Variants in CCT2 observed in about 807,000 individuals in gnomAD.
CCT2 encodes the protein chaperonin containing TCP1 subunit 2, also known as T-complex protein 1 subunit beta.
Under a neutral mutation model 61.8 loss-of-function variants are expected in CCT2, and 18 were observed. The observed-to-expected ratio is 0.29, with a 90% confidence interval of 0.20 to 0.43. The LOEUF (loss-of-function observed/expected upper bound fraction) is 0.43. Ranked by LOEUF, CCT2 falls within the 20% of genes least tolerant of loss-of-function variation. CCT2 has a pLI of 1.00. For missense variants in CCT2, 556 were observed against 656.9 expected (o/e 0.85, Z 1.68); for synonymous variants, 248 against 215.9 (o/e 1.15, Z -1.30).
intron 9 of CCT2, 145 bp from the exon 10 acceptor site, chr12:69,593,365 C>G: frequency 1.6e-6 from 1 of 634,180 alleles, no homozygotes; most frequent in Non-Finnish European, 2.7e-6. Context: ...AGTTGATAAA[C>G]TCTAATTATA....
At chr12:69,594,275 G>A (rs1392148460) in intron 10 of CCT2, among the ~76,000 whole-genome samples, 1 of 152,076 alleles carries the variant, frequency 6.6e-6, no homozygotes, top group Non-Finnish European at 1.5e-5. Context: ...TTATTGCTTA[G>A]TAAGTAGTTG....
intron 12 of CCT2, 57 bp downstream of exon 12, chr12:69,597,823 C>A (rs959360676): frequency 1.3e-6 from 2 of 1,513,978 alleles, no homozygotes; most frequent in South Asian, 1.2e-5. Context: ...CAATATAAGT[C>A]ATAAGTGGTT....
intron 14 of CCT2, 127 bp from the exon 15 acceptor site, chr12:69,599,736 T>C (rs1882096261): frequency 4.4e-6 from 3 of 680,852 alleles, no homozygotes; most frequent in Non-Finnish European, 7.0e-6. Context: ...TAGGCTTATC[T>C]ACCTACTGAG....
At chr12:69,601,267 A>G (rs763342549) in intron 15 of CCT2, 28 bp from the exon 16 acceptor site, 124 of 1,566,402 alleles carry the variant, frequency 7.9e-5, no homozygotes, top group Non-Finnish European at 1.0e-4. Context: ...TTCATTTTTC[A>G]CTATTGACTT....
intron 15 of CCT2, 51 bp downstream of exon 15, chr12:69,600,055 G>A: frequency 6.7e-7 from 1 of 1,482,642 alleles, no homozygotes; most frequent in Non-Finnish European, 9.1e-7. Context: ...AACAAAATAG[G>A]GAGCTGTATT....
chr12:69,589,733 G>T (rs1483216506), intron 7 of CCT2, 46 bp downstream of exon 7: 1 of 1,431,118 alleles, frequency 7.0e-7, no homozygotes, highest in Non-Finnish European at 9.7e-7. Context: ...AGATGCTGAG[G>T]GCTGAATACT....
intron 1 of CCT2, chr12:69,585,753 C>G: frequency 7.0e-7 from 1 of 1,432,788 alleles, no homozygotes; most frequent in Non-Finnish European, 9.1e-7. Context: ...GTGCCTAGGT[C>G]TTTGCATAGT....
intron 6 of CCT2, among the ~76,000 whole-genome samples, chr12:69,588,783 G>A (rs1881745761): frequency 6.6e-6 from 1 of 152,254 alleles, no homozygotes; most frequent in Non-Finnish European, 1.5e-5. Flanking sequence ...GGGCTGCACA[G>A]CAGGTGAGCA....
intron 3 of CCT2, chr12:69,587,281 G>T: frequency 2.3e-6 from 1 of 429,560 alleles, no homozygotes; most frequent in Non-Finnish European, 4.1e-6. Context: ...TTGCAGTTAC[G>T]GTGTTGAAAC....
At chr12:69,593,758 T>C in intron 10 of CCT2, 145 bp downstream of exon 10, 1 of 536,804 alleles carries the variant, frequency 1.9e-6, no homozygotes, top group South Asian at 2.6e-5. Context: ...TTAATTTAGA[T>C]ACATAGATAC....
chr12:69,590,786 G>A (rs1205454396), intron 7 of CCT2, among the ~76,000 whole-genome samples: 1 of 147,360 alleles, frequency 6.8e-6, no homozygotes, highest in Non-Finnish European at 1.5e-5. Flanking sequence ...GTATGATCTC[G>A]CCTCACTGCA....
At chr12:69,589,976 G>A (rs1424148299) in intron 7 of CCT2, among the ~76,000 whole-genome samples, 1 of 152,180 alleles carries the variant, frequency 6.6e-6, no homozygotes, top group Non-Finnish European at 1.5e-5. Flanking sequence ...ATTCTCAAAT[G>A]GTACTTTTAC....
rs765322805 is a variant in CCT2, at chr12:69,587,571, C to G, written c.211C>G (p.Leu71Val). ...GGTAACCAATGATGGTGCCACTATTCTAAAAAACATTGGTGTTGACAATCC... is the reference window on the plus strand; with the variant it reads ...GGTAACCAATGATGGTGCCACTATTGTAAAAAACATTGGTGTTGACAATCC... ...LMVTNDGATI[L>V]KNIGVDNPAA... is the part of the protein sequence containing the mutation. Residue 71 changes from leucine (L) to valine (V), a missense_variant, in exon 4 of 16, where the codon CTA becomes GTA. Leu to Val is a conservative substitution (Grantham distance 32). Coordinates refer to ENST00000299300, the MANE Select transcript of CCT2 (RefSeq NM_006431.3). 3.1e-6 allele frequency: 5 copies of G among 1,613,664 alleles called. No homozygotes were observed. The Admixed American group carries it at 8.3e-5, about 27-fold the overall frequency.
At position 69,592,069 on chromosome 12, in the gene CCT2, G is replaced by A. The variant is rs964129998; in HGVS notation, c.660G>A (p.Leu220=). The stretch of plus-strand genomic sequence containing the variant: ...TTATATTTATTGTAGGCTTCCTGTT[G>A]GATAAAAAAATTGGAGTAAATCAAC... ...ADSYLDEGFL[L]DKKIGVNQPK... The change falls in exon 8 of 16, where the codon TTG becomes TTA. Residue 220 remains leucine (L), a synonymous_variant. Transcript: ENST00000299300. 2.5e-6 allele frequency: 4 copies of A among 1,574,462 alleles called. No homozygotes were observed. In the Admixed American group the frequency reaches 5.0e-5, roughly 20 times the overall value.
At chr12:69,594,006 A>G (rs1349074382) in intron 10 of CCT2, among the ~76,000 whole-genome samples, 1 of 151,966 alleles carries the variant, frequency 6.6e-6, no homozygotes, top group African/African-American at 2.4e-5. Flanking sequence ...TGTGGTGGCA[A>G]GCGCCTGTGA....
At chr12:69,593,690 AC>A in intron 10 of CCT2, 77 bp downstream of exon 10, 1 of 803,072 alleles carries the variant, frequency 1.2e-6, no homozygotes, top group South Asian at 1.6e-5. Flanking sequence ...ATATGCAACT[AC>A]CTTTAAGGAG....
At position 69,592,212 on chromosome 12, in the gene CCT2, C is replaced by T. The variant is rs1410351070; in HGVS notation, c.750+53C>T. 74 of 1,025,548 alleles carry T rather than the reference C, an allele frequency of 7.2e-5. No individual in the cohort carries two copies. The South Asian group carries it at 8.5e-4, about 12-fold the overall frequency. 63.5% of individuals were successfully genotyped at this position (1,025,548 alleles called of 1,614,324 possible). A position where few individuals can be genotyped will look rare whatever the true frequency, so the allele number is the denominator to read the frequency against. ...AAATTACTGCCCAGGCAGAGTGGCT[C>T]ATGCCTGTAATCCTAGCAATTTGGG... On this transcript the variant is annotated intron_variant, in intron 8 of 15. Transcript: ENST00000299300.
chr12:69,594,553 A>G (rs1013342508), intron 10 of CCT2, among the ~76,000 whole-genome samples: 3 of 152,230 alleles, frequency 2.0e-5, no homozygotes, highest in East Asian at 1.9e-4. Context: ...ATGTCTGTCT[A>G]CATCACAATG....
chr12:69,600,603 G>C (rs1352967971), intron 15 of CCT2, among the ~76,000 whole-genome samples: 1 of 151,192 alleles, frequency 6.6e-6, no homozygotes, highest in Non-Finnish European at 1.5e-5. Context: ...TTTTTTTTCA[G>C]ATCAGTGCCC....
Sources: gnomAD v4.1 joint callset for allele counts (sites outside exome capture counted in the v4.1 genomes callset) on GRCh38, gnomAD v4.1.1 for gene constraint, MANE v1.5 for transcripts, NCBI Gene and HGNC (gene_info 2026-07-23, HGNC 2026-07-21) for gene names.